The following DYNC1I1 variants were observed in gnomAD, a reference collection of about 807,000 sequenced individuals.
DYNC1I1 encodes the protein dynein cytoplasmic 1 intermediate chain 1, also known as cytoplasmic dynein 1 intermediate chain 1.
DYNC1I1 carries 43 observed loss-of-function variants against 86.6 expected under a neutral mutation model. The ratio of observed to expected loss-of-function variants is 0.50; its 90% CI spans 0.39 to 0.64. DYNC1I1 has a LOEUF of 0.64. DYNC1I1 is among the 30% of genes least tolerant of loss of function. The probability of loss-of-function intolerance (pLI) is 0.00; values close to 1 mark genes in which losing one functional copy is unlikely to be tolerated. For synonymous variants in DYNC1I1, 262 were observed against 283.7 expected (o/e 0.92, Z 0.77); for missense variants, 604 against 788.8 (o/e 0.77, Z 2.81).
In DYNC1I1 at chr7:95,835,360, T is replaced by A. The variant is rs1240561564; in HGVS notation, c.374+7244T>A. On this transcript the variant is annotated intron_variant, in intron 5 of 16. Transcript: ENST00000447467. ...GATAGTTTGTTATAATTTCTGTTCT[T>A]TTACATTTGCTGAGGAGAGCTTTAC... is the stretch of plus-strand genomic sequence containing the variant. Among the ~76,000 whole-genome samples the A allele has an allele frequency of 2.8e-5, 4 of 142,012 alleles. No individual in the cohort carries two copies. In the Admixed American group the frequency reaches 2.9e-4, roughly 10 times the overall value. 93.2% of individuals were successfully genotyped at this position (142,012 alleles called of 152,430 possible). A position where few individuals can be genotyped will look rare whatever the true frequency, so the allele number is the denominator to read the frequency against.
At chr7:96,007,314 T>C (rs1406200210) in intron 10 of DYNC1I1, among the ~76,000 whole-genome samples, 1 of 152,236 alleles carries the variant, frequency 6.6e-6, no homozygotes, top group Non-Finnish European at 1.5e-5. Flanking sequence ...ACAATGTCTG[T>C]ATCATGGATA....
At chr7:95,785,385 G>A (rs891645336) in intron 1 of DYNC1I1, among the ~76,000 whole-genome samples, 1 of 152,128 alleles carries the variant, frequency 6.6e-6, no homozygotes, top group African/African-American at 2.4e-5. Flanking sequence ...TTGCACTCCA[G>A]CCTGGGCGAC....
intron 6 of DYNC1I1, among the ~76,000 whole-genome samples, chr7:95,872,893 G>T (rs757794379): frequency 6.6e-6 from 1 of 152,140 alleles, no homozygotes; most frequent in Admixed American, 6.5e-5. Context: ...ATGAGGTCCT[G>T]GGCTTAGGGA....
At chr7:95,807,812 A>G (rs542716913) in intron 2 of DYNC1I1, among the ~76,000 whole-genome samples, 187 of 152,178 alleles carry the variant, frequency 1.2e-3, no homozygotes, top group African/African-American at 4.5e-3. Context: ...ACATTATCAA[A>G]CCGTTTAGTA....
At chr7:95,882,758 GT>G (rs899892185) in intron 6 of DYNC1I1, among the ~76,000 whole-genome samples, 2 of 152,150 alleles carry the variant, frequency 1.3e-5, no homozygotes, top group Admixed American at 6.5e-5. Context: ...GTGGGAAAAA[GT>G]TTTCCTTTCC....
intron 14 of DYNC1I1, among the ~76,000 whole-genome samples, chr7:96,063,139 G>GTGTGTA (rs1462827692): frequency 2.7e-5 from 4 of 150,262 alleles, no homozygotes; most frequent in Middle Eastern, 3.4e-3. Flanking sequence ...GTGTATGTGT[G>GTGTGTA]TGTTTTCTTT....
intron 2 of DYNC1I1, 35 bp from the exon 3 acceptor site, chr7:95,810,357 T>C (rs1324580081): frequency 1.3e-6 from 2 of 1,536,568 alleles, no homozygotes; most frequent in Non-Finnish European, 1.8e-6. Context: ...CATTTAGTTA[T>C]GTTATTAACT....
chr7:96,097,117 A>C (rs1185179299), intron 16 of DYNC1I1, among the ~76,000 whole-genome samples: 1 of 152,138 alleles, frequency 6.6e-6, no homozygotes, highest in Non-Finnish European at 1.5e-5. Context: ...TTATTTGAAA[A>C]TCTTGGTCAT....
intron 6 of DYNC1I1, among the ~76,000 whole-genome samples, chr7:95,918,783 T>C (rs957618485): frequency 6.6e-6 from 1 of 152,236 alleles, no homozygotes; most frequent in African/African-American, 2.4e-5. Flanking sequence ...AAATTCTTCA[T>C]TGTTAGAACA....
chr7:95,998,906 T>C (rs1360255303), intron 10 of DYNC1I1, among the ~76,000 whole-genome samples: 1 of 152,218 alleles, frequency 6.6e-6, no homozygotes, highest in Non-Finnish European at 1.5e-5. Context: ...TGCCTACTCA[T>C]AAAAAGATTT....
intron 5 of DYNC1I1, among the ~76,000 whole-genome samples, chr7:95,850,807 T>A (rs1789557368): frequency 6.6e-6 from 1 of 152,226 alleles, no homozygotes; most frequent in South Asian, 2.1e-4. Context: ...TTATTGAGAA[T>A]GTGTACCTTT....
At chr7:95,818,163 G>A (rs1482827504) in intron 4 of DYNC1I1, among the ~76,000 whole-genome samples, 1 of 151,654 alleles carries the variant, frequency 6.6e-6, no homozygotes, top group South Asian at 2.1e-4. Flanking sequence ...TTTGTCTTTG[G>A]TGAGAAGTGT....
At chr7:96,100,780 C>T (rs1791124178), downstream of DYNC1I1, among the ~76,000 whole-genome samples, 1 of 151,752 alleles carries the variant, frequency 6.6e-6, no homozygotes, top group African/African-American at 2.4e-5. Flanking sequence ...CCTACATTCA[C>T]TAGAGTGAAA....
intron 6 of DYNC1I1, among the ~76,000 whole-genome samples, chr7:95,884,458 A>C (rs549374213): frequency 4.6e-5 from 7 of 151,386 alleles, no homozygotes; most frequent in African/African-American, 1.7e-4. Flanking sequence ...ACTGGAGTCC[A>C]GTGGCATGAT....
intron 11 of DYNC1I1, among the ~76,000 whole-genome samples, chr7:96,030,147 A>G (rs1472267168): frequency 2.0e-5 from 3 of 152,116 alleles, no homozygotes. Context: ...GGCCCACCAC[A>G]GATTACTCAC....
chr7:95,907,282 G>A (rs1791201191), intron 6 of DYNC1I1, among the ~76,000 whole-genome samples: 1 of 152,184 alleles, frequency 6.6e-6, no homozygotes, highest in African/African-American at 2.4e-5. Context: ...ATGAGTGTAA[G>A]TGAGCACCTG....
chr7:96,069,694 CT>C (rs1287797183), intron 14 of DYNC1I1, among the ~76,000 whole-genome samples: 2 of 152,156 alleles, frequency 1.3e-5, no homozygotes, highest in East Asian at 3.8e-4. Flanking sequence ...ACACTCAATA[CT>C]AGTCAAAACC....
chr7:95,821,240 TCTTA>T (rs777137682), intron 4 of DYNC1I1, among the ~76,000 whole-genome samples: 1 of 152,198 alleles, frequency 6.6e-6, no homozygotes, highest in East Asian at 1.9e-4. Flanking sequence ...TAAATATTCT[TCTTA>T]CTTCTAAAGA....
intron 13 of DYNC1I1, among the ~76,000 whole-genome samples, chr7:96,036,804 A>G (rs983233955): frequency 2.6e-5 from 4 of 152,214 alleles, no homozygotes; most frequent in African/African-American, 9.6e-5. Flanking sequence ...GAGATTCACA[A>G]TGCCCCTGGA....
Sources: allele counts gnomAD v4.1 joint callset (sites outside exome capture counted in the v4.1 genomes callset), GRCh38; gene constraint gnomAD v4.1.1; transcripts MANE v1.5; gene names NCBI Gene and HGNC (gene_info 2026-07-23, HGNC 2026-07-21).